ANO4: variants seen among roughly 807,000 people sequenced by gnomAD.
ANO4 encodes the protein anoctamin 4.
A neutral mutation model predicts 141.9 loss-of-function variants in ANO4; 69 were observed. The observed-to-expected ratio is 0.49, with a 90% CI of 0.40 to 0.59. The LOEUF is 0.59. Among genes scored for constraint, ANO4 ranks in the 20% least tolerant of loss-of-function variants. The probability of loss-of-function intolerance (pLI) is 0.00; values close to 1 mark genes in which losing one functional copy is unlikely to be tolerated. For missense variants in ANO4, 894 were observed against 1,162.2 expected, an observed-to-expected ratio of 0.77 and a Z score of 3.36; for synonymous variants, 350 against 394.3, an observed-to-expected ratio of 0.89 and a Z score of 1.33.
At chr12:100,845,689 A>G (rs569517657) in intron 1 of ANO4, among the ~76,000 whole-genome samples, 1 of 152,316 alleles carries the variant, frequency 6.6e-6, no homozygotes, top group African/African-American at 2.4e-5. Context: ...AAAAAGCACA[A>G]TTACTCTGTA....
chr12:100,947,995 A>G (rs1414877866), intron 5 of ANO4, among the ~76,000 whole-genome samples: 2 of 152,034 alleles, frequency 1.3e-5, no homozygotes, highest in Non-Finnish European at 2.9e-5. Context: ...CATCCTGGCT[A>G]ACATGGTGAA....
chr12:101,063,529 T>A (rs2136746345), intron 14 of ANO4, among the ~76,000 whole-genome samples: 1 of 152,234 alleles, frequency 6.6e-6, no homozygotes, highest in African/African-American at 2.4e-5. Context: ...GCCTGTAACT[T>A]TTTACTTCTA....
At chr12:100,959,387 A>G (rs192336438) in intron 5 of ANO4, among the ~76,000 whole-genome samples, 7 of 152,164 alleles carry the variant, frequency 4.6e-5, no homozygotes, top group Non-Finnish European at 7.4e-5. Flanking sequence ...CCCATAACTC[A>G]CAAGATGAAA....
intron 14 of ANO4, among the ~76,000 whole-genome samples, chr12:101,052,987 T>C (rs935905957): frequency 6.6e-6 from 1 of 152,256 alleles, no homozygotes; most frequent in Non-Finnish European, 1.5e-5. Context: ...TCCAGAGTCA[T>C]TCCAAAGTGT....
In ANO4 at chr12:100,916,180, G is replaced by A. The variant is rs78560152; in HGVS notation, c.56-6046G>A. ...CTCTTAAAAGTCCTTTTTCCACTGA[G>A]GAAGAGGACAGAGATTGCAAAAAGG... On this transcript the variant is annotated intron_variant, in intron 2 of 27. Coordinates refer to ENST00000392977, the MANE Select transcript of ANO4 (RefSeq NM_001286615.2). Among the ~76,000 whole-genome samples the A allele has an allele frequency of 5.0e-3, 756 of 152,202 alleles. 9 individuals are homozygous for A. The highest frequency in any genetic ancestry group is 0.017 in the African/African-American group (724 of 41,550).
At chr12:100,997,565 A>T (rs1447764901) in intron 8 of ANO4, among the ~76,000 whole-genome samples, 1 of 152,056 alleles carries the variant, frequency 6.6e-6, no homozygotes, top group African/African-American at 2.4e-5. Context: ...CAAGGAGAAT[A>T]TAAGTTAAAG....
At chr12:101,043,018 A>G (rs2047470872) in intron 12 of ANO4, among the ~76,000 whole-genome samples, 1 of 152,230 alleles carries the variant, frequency 6.6e-6, no homozygotes, top group South Asian at 2.1e-4. Context: ...TGCAAAAATA[A>G]AAGTGAGTGA....
At chr12:101,061,995 G>GT (rs1182323074) in intron 14 of ANO4, among the ~76,000 whole-genome samples, 4 of 152,130 alleles carry the variant, frequency 2.6e-5, no homozygotes, top group Non-Finnish European at 5.9e-5. Context: ...TTTTTGTGCT[G>GT]TTTTTTCCTC....
At chr12:100,842,721 G>T (rs959258723) in intron 1 of ANO4, among the ~76,000 whole-genome samples, 2 of 152,044 alleles carry the variant, frequency 1.3e-5, no homozygotes, top group African/African-American at 4.8e-5. Flanking sequence ...ATGGTGCCTT[G>T]TTGTTTTGTC....
intron 2 of ANO4, among the ~76,000 whole-genome samples, chr12:100,739,104 A>G (rs2031749898): frequency 6.8e-6 from 1 of 147,864 alleles, no homozygotes. Context: ...ATTTGTATAT[A>G]TATAAAATCT....
intron 5 of ANO4, among the ~76,000 whole-genome samples, chr12:100,954,175 C>T (rs553471741): frequency 3.9e-5 from 6 of 152,076 alleles, no homozygotes; most frequent in African/African-American, 1.4e-4. Flanking sequence ...CAGGGTTGTG[C>T]GGGAAAGCCA....
In ANO4 at chr12:100,987,595, T is replaced by C. The variant is rs576854824; in HGVS notation, c.659T>C (p.Leu220Pro). ...RRWLPKKPMRLDKETLPDLEE... is the reference protein window; with the variant it reads ...RRWLPKKPMRPDKETLPDLEE... The stretch of plus-strand genomic sequence containing the variant: ...TGGTTACCTAAGAAGCCAATGAGGC[T>C]GGACAAGGAGACACTGCCAGACCTG... Residue 220 changes from leucine (L) to proline (P), a missense_variant, in exon 8 of 28, where the codon CTG becomes CCG. By Grantham distance (98) the Leu-to-Pro change is moderately conservative (BLOSUM62 -3). Around this residue, in one of 2 missense-constraint regions of ANO4, gnomAD observed 637 missense variants for 909.2 expected, o/e 0.70. Transcript: ENST00000392977. 2 of 1,614,104 alleles carry C rather than the reference T, an allele frequency of 1.2e-6. No homozygotes were observed. The highest frequency in any genetic ancestry group is 1.7e-5 in the Admixed American group (1 of 60,000).
intron 1 of ANO4, among the ~76,000 whole-genome samples, chr12:100,854,070 A>G (rs2135861690): frequency 6.6e-6 from 1 of 152,244 alleles, no homozygotes; most frequent in Middle Eastern, 3.4e-3. Flanking sequence ...GACAGTTCTG[A>G]GTGATAAAAT....
At chr12:100,821,385 C>A (rs566438443) in intron 1 of ANO4, among the ~76,000 whole-genome samples, 1 of 151,986 alleles carries the variant, frequency 6.6e-6, no homozygotes, top group Non-Finnish European at 1.5e-5. Flanking sequence ...CAGAATAGTA[C>A]TTAATTTCTT....
chr12:101,116,885 G>T, intron 25 of ANO4, 87 bp downstream of exon 25: 5 of 1,570,232 alleles, frequency 3.2e-6, no homozygotes, highest in Non-Finnish European at 3.5e-6. Context: ...TTCTGGCTGA[G>T]TGTGTTTAAA....
At chr12:101,046,444 T>C (rs545874411) in intron 13 of ANO4, among the ~76,000 whole-genome samples, 1 of 152,304 alleles carries the variant, frequency 6.6e-6, no homozygotes, top group Non-Finnish European at 1.5e-5. Context: ...TATGTATTTC[T>C]CTAACCTGTG....
chr12:100,958,103 A>G (rs1214258408), intron 5 of ANO4, among the ~76,000 whole-genome samples: 1 of 151,890 alleles, frequency 6.6e-6, no homozygotes, highest in East Asian at 1.9e-4. Flanking sequence ...GAATTCTCTC[A>G]CTCCTTTATT....
At chr12:101,080,652 C>T (rs7972630) in intron 15 of ANO4, among the ~76,000 whole-genome samples, 15,803 of 151,158 alleles carry the variant, frequency 0.1, 858 homozygotes, top group South Asian at 0.13. Context: ...TATGGTGAAA[C>T]CCCATCACTA....
At chr12:100,943,542 C>T (rs1380827341) in intron 5 of ANO4, among the ~76,000 whole-genome samples, 2 of 152,120 alleles carry the variant, frequency 1.3e-5, no homozygotes, top group East Asian at 1.9e-4. Flanking sequence ...CTGACCTCAG[C>T]TCTTGAATGT....
Sources: gnomAD v4.1 joint callset for allele counts (sites outside exome capture counted in the v4.1 genomes callset) on GRCh38, gnomAD v4.1.1 for gene constraint, gnomAD v4.1.1 regional missense constraint, MANE v1.5 for transcripts, NCBI Gene and HGNC (gene_info 2026-07-23, HGNC 2026-07-21) for gene names.